PCDH11X: variants seen among roughly 807,000 people sequenced by gnomAD.
PCDH11X encodes protocadherin-11 X-linked.
In PCDH11X, 18 loss-of-function variants were observed where a neutral mutation model predicts 53.3. That is an observed-to-expected ratio of 0.34 (90% confidence interval 0.23 to 0.50). The LOEUF (loss-of-function observed/expected upper bound fraction) is 0.50. Ranked by LOEUF, PCDH11X falls within the 20% of genes least tolerant of loss-of-function variation. PCDH11X has a pLI of 0.98. For missense variants in PCDH11X, 570 were observed against 1,032.4 expected (o/e 0.55, Z 6.14); for synonymous variants, 279 against 393.3 (o/e 0.71, Z 3.44).
intron 6 of PCDH11X, among the ~76,000 whole-genome samples, chrX:91,911,989 A>G (rs1247077028): frequency 9.0e-6 from 1 of 111,155 alleles, no homozygotes; most frequent in Non-Finnish European, 1.9e-5. Context: ...TTTATTATAG[A>G]GATCTTTAAC....
At chrX:91,821,067 T>A (rs1012721417) in intron 4 of PCDH11X, among the ~76,000 whole-genome samples, 73 of 105,819 alleles carry the variant, frequency 6.9e-4, no homozygotes, top group African/African-American at 2.3e-3. Context: ...GCTGTTTTGG[T>A]TACTGTAGCC....
chrX:92,506,223 T>C (rs200627895), intron 10 of PCDH11X, among the ~76,000 whole-genome samples: 6 of 67,131 alleles, frequency 8.9e-5, no homozygotes, highest in Admixed American at 2.1e-4. Context: ...TTTCTTTTTT[T>C]TTTTTTTTTT....
intron 8 of PCDH11X, among the ~76,000 whole-genome samples, chrX:92,353,880 T>C (rs1373858814): frequency 2.8e-5 from 3 of 107,877 alleles, no homozygotes; most frequent in Non-Finnish European, 5.7e-5. Flanking sequence ...GTATTAAACA[T>C]TGCATGTTTA....
intron 6 of PCDH11X, among the ~76,000 whole-genome samples, chrX:91,893,344 C>T (rs1362618263): frequency 2.9e-5 from 3 of 103,577 alleles, no homozygotes; most frequent in African/African-American, 1.1e-4. Context: ...GTGAGAGAAC[C>T]GCATTTTTTT....
At chrX:92,318,242 C>G (rs901277462) in intron 8 of PCDH11X, among the ~76,000 whole-genome samples, 25 of 111,373 alleles carry the variant, frequency 2.2e-4, no homozygotes, top group African/African-American at 8.1e-4. Flanking sequence ...TTCAAAATTA[C>G]TCTGTTTTTA....
intron 9 of PCDH11X, among the ~76,000 whole-genome samples, chrX:92,447,809 A>G (rs1441851401): frequency 8.9e-6 from 1 of 112,560 alleles, no homozygotes; most frequent in Non-Finnish European, 1.9e-5. Flanking sequence ...CACAGACACT[A>G]AACAACAGCC....
At chrX:92,584,412 G>T (rs1389772332) in intron 10 of PCDH11X, among the ~76,000 whole-genome samples, 1 of 111,533 alleles carries the variant, frequency 9.0e-6, no homozygotes, top group Non-Finnish European at 1.9e-5. Flanking sequence ...ACCATTATCA[G>T]TAATAAAAGA....
chrX:92,114,495 T>C (rs2064595549), intron 6 of PCDH11X: 1 of 493,325 alleles, frequency 2.0e-6, no homozygotes, highest in Admixed American at 3.3e-5. Context: ...ATCTATTTTC[T>C]ATATTGTGGC....
chrX:92,256,492 C>A (rs1467845055), intron 7 of PCDH11X, among the ~76,000 whole-genome samples: 1 of 111,831 alleles, frequency 8.9e-6, no homozygotes, highest in African/African-American at 3.3e-5. Context: ...ATTGAACCAT[C>A]CTTGCATTCC....
chrX:91,875,602 T>A (rs1354335355), intron 5 of PCDH11X, among the ~76,000 whole-genome samples: 2 of 110,917 alleles, frequency 1.8e-5, no homozygotes, highest in Non-Finnish European at 3.8e-5. Flanking sequence ...AGGGGATTGT[T>A]TTTTAAATAT....
chrX:92,213,991 T>C (rs2066639466), intron 7 of PCDH11X, among the ~76,000 whole-genome samples: 1 of 111,975 alleles, frequency 8.9e-6, no homozygotes, highest in Admixed American at 9.5e-5. Flanking sequence ...GCATGAGTCT[T>C]CTAGCAACGT....
At chrX:92,406,928 T>TA (rs765455608) in intron 9 of PCDH11X, among the ~76,000 whole-genome samples, 924 of 54,394 alleles carry the variant, frequency 0.017, 15 homozygotes, top group African/African-American at 0.035. Context: ...TTCCATCTCA[T>TA]AAAAAAAAAA....
At chrX:92,065,373 T>C (rs746442298) in intron 6 of PCDH11X, among the ~76,000 whole-genome samples, 77 of 111,455 alleles carry the variant, frequency 6.9e-4, no homozygotes, top group African/African-American at 2.4e-3. Flanking sequence ...CTTTTGGATA[T>C]ATACCCAACA....
intron 8 of PCDH11X, among the ~76,000 whole-genome samples, chrX:92,370,114 A>G (rs1484356125): frequency 9.2e-6 from 1 of 108,680 alleles, no homozygotes; most frequent in East Asian, 2.9e-4. Flanking sequence ...CATTTTCTCA[A>G]GATATTTTCT....
intron 7 of PCDH11X, among the ~76,000 whole-genome samples, chrX:92,218,019 C>A (rs1169890068): frequency 2.7e-5 from 3 of 109,209 alleles, no homozygotes; most frequent in Non-Finnish European, 5.7e-5. Context: ...AACAAAGACA[C>A]AACATACCAG....
At chrX:92,029,845 A>G (rs1226444558) in intron 6 of PCDH11X, among the ~76,000 whole-genome samples, 6 of 112,422 alleles carry the variant, frequency 5.3e-5, no homozygotes, top group African/African-American at 1.9e-4. Flanking sequence ...CACCTATTAC[A>G]TAAAGAGAAA....
intron 9 of PCDH11X, among the ~76,000 whole-genome samples, chrX:92,467,843 A>G (rs1323781113): frequency 9.0e-6 from 1 of 111,560 alleles, no homozygotes; most frequent in Non-Finnish European, 1.9e-5. Context: ...TTACTATTTT[A>G]TATGTCAGAA....
intron 6 of PCDH11X, among the ~76,000 whole-genome samples, chrX:92,038,123 C>G (rs1407508433): frequency 9.0e-6 from 1 of 110,827 alleles, no homozygotes; most frequent in African/African-American, 3.3e-5. Flanking sequence ...CAGAGCCTGA[C>G]AATGTAATAG....
In PCDH11X at chrX:91,988,752, CTAGTCTT is replaced by C. The variant is rs2062266456; in HGVS notation, c.3033+109480_3033+109486del. ...TGTCATGTGATGCAGTTGTCGAACACTAGTCTTACATACTGTGGTAGAGGACACAGAC... is the reference window on the plus strand; with the variant it reads ...TGTCATGTGATGCAGTTGTCGAACACACATACTGTGGTAGAGGACACAGAC... On this transcript the variant is annotated intron_variant, in intron 6 of 10. Transcript: ENST00000682573. Among the ~76,000 whole-genome samples the C allele has an allele frequency of 2.7e-5, 3 of 112,097 alleles. No individual in the cohort carries two copies. In the Admixed American group the frequency reaches 2.8e-4, roughly 11 times the overall value.
Sources: allele counts gnomAD v4.1 joint callset (sites outside exome capture counted in the v4.1 genomes callset), GRCh38; gene constraint gnomAD v4.1.1; transcripts MANE v1.5; gene names NCBI Gene and HGNC (gene_info 2026-07-23, HGNC 2026-07-21).